Variants in LHFPL4 observed in about 807,000 individuals in gnomAD.
The protein encoded by LHFPL4 is LHFPL tetraspan subfamily member 4.
LHFPL4 carries 6 observed loss-of-function variants against 20.0 expected under a neutral mutation model. The observed-to-expected ratio is 0.30, with a 90% confidence interval of 0.16 to 0.59. LHFPL4 has a LOEUF of 0.59. Ranked by LOEUF, LHFPL4 falls within the 20% of genes least tolerant of loss-of-function variation. The pLI is 0.88. For synonymous variants in LHFPL4, 129 were observed against 143.8 expected, an observed-to-expected ratio of 0.90 and a Z score of 0.74; for missense variants, 215 against 331.2, an observed-to-expected ratio of 0.65 and a Z score of 2.72.
rs570132027 is a variant in LHFPL4, at chr3:9,523,376, G to A, written c.407-17173C>T. Reference sequence around the variant, plus strand: ...AGCTTGGGAGACAGAGTGAGACTTCGTCTCAAAAAAAGAAAAAGAAAAAAA... The same window carrying A: ...AGCTTGGGAGACAGAGTGAGACTTCATCTCAAAAAAAGAAAAAGAAAAAAA... On this transcript the variant is annotated intron_variant, in intron 2 of 3. Coordinates refer to ENST00000287585, the MANE Select transcript of LHFPL4 (RefSeq NM_198560.3). Among the ~76,000 whole-genome samples, 18 of 148,242 alleles carry A rather than the reference G, an allele frequency of 1.2e-4. No homozygotes were observed. The East Asian group carries it at 1.4e-3, about 11-fold the overall frequency.
At chr3:9,534,427 G>A (rs1356217474) in intron 2 of LHFPL4, among the ~76,000 whole-genome samples, 1 of 152,178 alleles carries the variant, frequency 6.6e-6, no homozygotes, top group East Asian at 1.9e-4. Context: ...TGAAAGGCAA[G>A]GCTCATGGTA....
rs778310347 is a variant in LHFPL4 at position 9,502,195 on chromosome 3, C to T, written c.*16G>A. The T allele has an allele frequency of 1.3e-6, 2 of 1,596,042 alleles. No homozygotes were observed. The highest frequency in any genetic ancestry group is 1.7e-5 in the Admixed American group (1 of 59,942). On this transcript the variant is annotated 3_prime_UTR_variant, in exon 4 of 4. Transcript: ENST00000287585. The stretch of plus-strand genomic sequence containing the variant: ...AGCTGAGGTCAGGCCAATTACTGGG[C>T]TGTGATCCTGGCCTTTCAGGGTCCC...
intron 2 of LHFPL4, among the ~76,000 whole-genome samples, chr3:9,539,022 T>C (rs2046461136): frequency 6.6e-6 from 1 of 152,132 alleles, no homozygotes. Context: ...TTCTGACCAC[T>C]AAACTGTGCT....
chr3:9,505,880 CCT>C, intron 3 of LHFPL4, 85 bp downstream of exon 3: 2 of 1,269,482 alleles, frequency 1.6e-6, no homozygotes. Flanking sequence ...TTCATGCAAC[CCT>C]CTTACTCCTT....
At chr3:9,525,479 G>A (rs2046367607) in intron 2 of LHFPL4, among the ~76,000 whole-genome samples, 1 of 152,150 alleles carries the variant, frequency 6.6e-6, no homozygotes, top group Admixed American at 6.5e-5. Flanking sequence ...GTGACCTTAC[G>A]TCTCTCATGG....
chr3:9,503,621 T>C (rs1356903068), intron 3 of LHFPL4, among the ~76,000 whole-genome samples: 2 of 152,222 alleles, frequency 1.3e-5, no homozygotes, highest in African/African-American at 2.4e-5. Flanking sequence ...CTTAAGTGAC[T>C]TTGGGCAAAT....
intron 2 of LHFPL4, among the ~76,000 whole-genome samples, chr3:9,511,190 A>T (rs1439673554): frequency 2.0e-5 from 3 of 151,638 alleles, no homozygotes; most frequent in Non-Finnish European, 4.4e-5. Flanking sequence ...TCTCTACTAA[A>T]AATACAAAAA....
intron 2 of LHFPL4, among the ~76,000 whole-genome samples, chr3:9,511,967 C>T (rs918072368): frequency 1.3e-5 from 2 of 150,046 alleles, no homozygotes; most frequent in African/African-American, 2.5e-5. Flanking sequence ...GAATCTGGCT[C>T]TGTCGCCCAG....
At chr3:9,536,263 T>C (rs2046443735) in intron 2 of LHFPL4, among the ~76,000 whole-genome samples, 2 of 152,228 alleles carry the variant, frequency 1.3e-5, no homozygotes, top group South Asian at 4.1e-4. Context: ...GCTCTGTTCC[T>C]GCCCATCCAG....
Position 9,522,976 on chromosome 3 carries a change from G to T in LHFPL4, c.407-16773C>A, listed in dbSNP as rs112075957. ...GAATGGTGTGAACCAGGGAGGCGGA[G>T]CTTGCAGTGAGCCGAGATCGTGCCA... is the stretch of plus-strand genomic sequence containing the variant. On this transcript the variant is annotated intron_variant, in intron 2 of 3. Transcript: ENST00000287585. Among the ~76,000 whole-genome samples, 1,282 of 148,846 alleles carry T rather than the reference G, an allele frequency of 8.6e-3. 15 individuals carry two copies. The highest frequency in any genetic ancestry group is 0.042 in the Middle Eastern group (12 of 288).
At position 9,502,314 on chromosome 3, in the gene LHFPL4, AAG is replaced by A. The variant is rs748612761; in HGVS notation, c.644-5_644-4del. On this transcript the variant is annotated splice_polypyrimidine_tract_variant and splice_region_variant and intron_variant, in intron 3 of 3. Transcript: ENST00000287585. ...GCTTACTGTAGAGCCCACAAAATCT[AAG>A]AGAGAGAGAGAGAGAGAGAAGGAGA... 0.038 allele frequency: 48,379 copies of A among 1,263,898 alleles called. No homozygotes were observed. Among genetic ancestry groups the A allele is most frequent in the South Asian group, 0.055 (3,212 of 58,566 alleles). The allele number at this position is 1,263,898 out of a possible 1,614,324, so 78.3% of individuals were successfully genotyped here. A position where few individuals can be genotyped will look rare whatever the true frequency, so the allele number is the denominator to read the frequency against.
intron 2 of LHFPL4, among the ~76,000 whole-genome samples, chr3:9,516,463 C>A (rs930727320): frequency 6.6e-6 from 1 of 151,842 alleles, no homozygotes; most frequent in Non-Finnish European, 1.5e-5. Flanking sequence ...TTCACCAGTA[C>A]CACACTGTCT....
rs559774062 is a variant in LHFPL4, at chr3:9,513,848, C to G, written c.407-7645G>C. On this transcript the variant is annotated intron_variant, in intron 2 of 3. Coordinates refer to ENST00000287585, the MANE Select transcript of LHFPL4 (RefSeq NM_198560.3). ...TAGACTGAGTGGTCACCATCATCGA[C>G]TGTAATGGTAGGACATCTCCATTGG... Among the ~76,000 whole-genome samples, 17 of 152,318 alleles carry G rather than the reference C, an allele frequency of 1.1e-4. No homozygotes were observed. In the South Asian group the frequency reaches 2.7e-3, roughly 24 times the overall value.
intron 3 of LHFPL4, among the ~76,000 whole-genome samples, chr3:9,504,608 G>A (rs915921823): frequency 6.6e-5 from 10 of 152,158 alleles, no homozygotes; most frequent in East Asian, 3.9e-4. Context: ...GGCGGATCAC[G>A]AGGTCAGAAG....
rs895737320 is a variant in LHFPL4, at chr3:9,498,953, A to G, written c.*3258T>C. 4.6e-5 allele frequency: 7 copies of G among 152,342 alleles called. No individual in the cohort carries two copies. The highest frequency in any genetic ancestry group is 3.3e-4 in the Admixed American group (5 of 15,276). 9.4% of individuals were successfully genotyped at this position (152,342 alleles called of 1,614,324 possible). The stretch of plus-strand genomic sequence containing the variant: ...ATAGCCCCGGTTCCCAGAAGGACTC[A>G]ACTGACCAGACTGTGGGCCAGGGAC... On this transcript the variant is annotated 3_prime_UTR_variant, in exon 4 of 4. Transcript: ENST00000287585.
At chr3:9,507,770 G>C (rs867520582) in intron 2 of LHFPL4, among the ~76,000 whole-genome samples, 46 of 152,186 alleles carry the variant, frequency 3.0e-4, no homozygotes, top group Non-Finnish European at 8.8e-5. Flanking sequence ...GAGCTGATCA[G>C]CACATTGCAC....
At chr3:9,537,000 C>T (rs947552782) in intron 2 of LHFPL4, among the ~76,000 whole-genome samples, 8 of 151,830 alleles carry the variant, frequency 5.3e-5, no homozygotes, top group Non-Finnish European at 1.5e-5. Context: ...ATGGGAGGAT[C>T]ACTTGAGCCC....
intron 2 of LHFPL4, among the ~76,000 whole-genome samples, chr3:9,512,221 G>A (rs1308854912): frequency 1.3e-5 from 2 of 152,146 alleles, no homozygotes; most frequent in African/African-American, 2.4e-5. Context: ...GTGAGCCACC[G>A]CGCCGGCCTA....
intron 2 of LHFPL4, among the ~76,000 whole-genome samples, chr3:9,515,860 A>C (rs950770357): frequency 6.6e-6 from 1 of 151,552 alleles, no homozygotes; most frequent in African/African-American, 2.4e-5. Flanking sequence ...GACTACAGGC[A>C]CATGCCACCA....
Sources: allele counts gnomAD v4.1 joint callset (sites outside exome capture counted in the v4.1 genomes callset), GRCh38; gene constraint gnomAD v4.1.1; transcripts MANE v1.5; gene names NCBI Gene and HGNC (gene_info 2026-07-23, HGNC 2026-07-21).